The following CEP128 variants were observed in gnomAD, a reference collection of about 807,000 sequenced individuals.
The protein encoded by CEP128 is centrosomal protein 128kDa.
Under a neutral mutation model 156.7 loss-of-function variants are expected in CEP128, and 132 were observed. The ratio of observed to expected loss-of-function variants is 0.84; its 90% confidence interval spans 0.73 to 0.97. The LOEUF (loss-of-function observed/expected upper bound fraction) is 0.97. Among genes scored for constraint, CEP128 ranks in the 50% least tolerant of loss-of-function variants. The probability of loss-of-function intolerance (pLI) is 0.00; values close to 1 mark genes in which losing one functional copy is unlikely to be tolerated. For missense variants in CEP128, 1,252 were observed against 1,281.9 expected (o/e 0.98, Z 0.36); for synonymous variants, 469 against 448.9 (o/e 1.04, Z -0.57).
intron 21 of CEP128, among the ~76,000 whole-genome samples, chr14:80,546,826 C>T (rs1566771597): frequency 6.6e-6 from 1 of 152,152 alleles, no homozygotes; most frequent in Non-Finnish European, 1.5e-5. Flanking sequence ...TAACAATGGA[C>T]AGGCTATTTT....
intron 19 of CEP128, among the ~76,000 whole-genome samples, chr14:80,647,347 T>A (rs1894708425): frequency 6.6e-6 from 1 of 151,800 alleles, no homozygotes; most frequent in Admixed American, 6.6e-5. Flanking sequence ...CATTCTCTAA[T>A]CCCTCTCATC....
chr14:80,646,229 G>A (rs191451624), intron 19 of CEP128, among the ~76,000 whole-genome samples: 11 of 152,154 alleles, frequency 7.2e-5, no homozygotes, highest in Non-Finnish European at 1.0e-4. Context: ...TAGGTTTATC[G>A]ATTGTAACTA....
intron 21 of CEP128, among the ~76,000 whole-genome samples, chr14:80,537,525 G>C (rs1449280878): frequency 6.6e-6 from 1 of 152,050 alleles, no homozygotes; most frequent in Non-Finnish European, 1.5e-5. Flanking sequence ...TGTTCTCTGT[G>C]TGCTGAACAA....
intron 19 of CEP128, among the ~76,000 whole-genome samples, chr14:80,656,806 G>A (rs1391998655): frequency 6.6e-6 from 1 of 152,096 alleles, no homozygotes; most frequent in East Asian, 1.9e-4. Flanking sequence ...CACAGTTTTT[G>A]CTGGTTGTGG....
intron 4 of CEP128, among the ~76,000 whole-genome samples, chr14:80,910,428 T>G (rs1884140261): frequency 6.6e-6 from 1 of 152,132 alleles, no homozygotes; most frequent in Non-Finnish European, 1.5e-5. Flanking sequence ...TGGTACTGTA[T>G]AGTGAGTGAG....
At chr14:80,849,987 G>A (rs947653112) in intron 9 of CEP128, among the ~76,000 whole-genome samples, 8 of 151,940 alleles carry the variant, frequency 5.3e-5, no homozygotes, top group Non-Finnish European at 7.4e-5. Context: ...TATGATTCCC[G>A]CGAAAAAAAT....
intron 19 of CEP128, among the ~76,000 whole-genome samples, chr14:80,601,254 C>T (rs886973421): frequency 1.3e-5 from 2 of 152,070 alleles, no homozygotes; most frequent in Non-Finnish European, 2.9e-5. Flanking sequence ...ATAAGTCGTG[C>T]ATTGCTTAAT....
At chr14:80,725,774 A>C (rs1343280465) in intron 19 of CEP128, among the ~76,000 whole-genome samples, 1 of 152,240 alleles carries the variant, frequency 6.6e-6, no homozygotes, top group Non-Finnish European at 1.5e-5. Context: ...TCAAACTCTT[A>C]AATAACATTA....
chr14:80,822,891 C>CT (rs1040753456), intron 13 of CEP128: 27 of 588,410 alleles, frequency 4.6e-5, no homozygotes, highest in Non-Finnish European at 6.5e-5. Context: ...CATAATTTTA[C>CT]TTTTTTTTAA....
intron 19 of CEP128, among the ~76,000 whole-genome samples, chr14:80,672,560 C>T (rs1895887182): frequency 6.6e-6 from 1 of 152,012 alleles, no homozygotes; most frequent in East Asian, 1.9e-4. Flanking sequence ...AATTTTGACC[C>T]AAATATATCT....
chr14:80,905,948 T>A lies in CEP128; in HGVS notation c.361+7A>T, dbSNP rs1397042266. ...TTAATGTTTTTCAGAACATTTGAAG[T>A]GTTTACCTGACCCAGTGCCACCATC... On this transcript the variant is annotated splice_region_variant and intron_variant, in intron 5 of 24. Coordinates refer to ENST00000555265, the MANE Select transcript of CEP128 (RefSeq NM_152446.5). The A allele has an allele frequency of 1.9e-6, 3 of 1,610,270 alleles. No homozygotes were observed. The highest frequency in any genetic ancestry group is 2.5e-6 in the Non-Finnish European group (3 of 1,178,902).
At chr14:80,761,194 G>A (rs1595361383) in intron 17 of CEP128, among the ~76,000 whole-genome samples, 1 of 149,090 alleles carries the variant, frequency 6.7e-6, no homozygotes. Flanking sequence ...TCTCTTATAA[G>A]ATTTTTCTTT....
chr14:80,701,016 C>G (rs538440243), intron 19 of CEP128, among the ~76,000 whole-genome samples: 2 of 152,178 alleles, frequency 1.3e-5, no homozygotes, highest in Non-Finnish European at 2.9e-5. Context: ...ATTGATTTTC[C>G]CTTCTCTGTG....
At position 80,895,868 on chromosome 14, in the gene CEP128, T is replaced by C. The variant is rs559450326; in HGVS notation, c.573-78A>G. The stretch of plus-strand genomic sequence containing the variant: ...AGAACGAGTGAAATGTATAACATGA[T>C]AATTATGTTATTACAAAATATTCTA... On this transcript the variant is annotated intron_variant, in intron 7 of 24. Coordinates refer to ENST00000555265, the MANE Select transcript of CEP128 (RefSeq NM_152446.5). 53 of 982,858 alleles carry C rather than the reference T, an allele frequency of 5.4e-5. 1 individual carries two copies. In the African/African-American group the frequency reaches 7.8e-4, roughly 14 times the overall value. 60.9% of individuals were successfully genotyped at this position (982,858 alleles called of 1,614,324 possible). A position where few individuals can be genotyped will look rare whatever the true frequency, so the allele number is the denominator to read the frequency against.
chr14:80,772,296 A>G (rs1476431748), intron 16 of CEP128, among the ~76,000 whole-genome samples: 1 of 152,130 alleles, frequency 6.6e-6, no homozygotes. Flanking sequence ...GAAGAATGGC[A>G]GAATGGTGTG....
At chr14:80,498,559 T>C (rs1275022670) in intron 24 of CEP128, among the ~76,000 whole-genome samples, 1 of 152,146 alleles carries the variant, frequency 6.6e-6, no homozygotes, top group African/African-American at 2.4e-5. Flanking sequence ...TTTTTGCCCC[T>C]ACTATCAGGA....
chr14:80,880,869 AAT>A, intron 8 of CEP128, among the ~76,000 whole-genome samples: 1 of 29,914 alleles, frequency 3.3e-5, no homozygotes, highest in South Asian at 1.3e-3. Context: ...TCTCAAAAAT[AAT>A]AATAATAATA....
chr14:80,707,901 A>G (rs1222167773), intron 19 of CEP128, among the ~76,000 whole-genome samples: 1 of 152,192 alleles, frequency 6.6e-6, no homozygotes, highest in South Asian at 2.1e-4. Flanking sequence ...TCTGTTCAAC[A>G]TTAACTTTGT....
In CEP128 at chr14:80,836,320, T is replaced by G; in HGVS notation, c.942A>C (p.Thr314=). Residue 314 remains threonine (T), a synonymous_variant, in exon 12 of 25, where the codon ACA becomes ACC. Coordinates refer to ENST00000555265, the MANE Select transcript of CEP128 (RefSeq NM_152446.5). ...TLLHQVEELR[T]QLTKAEGDRK... ...GATCACCTTCTGCTTTCGTAAGTTG[T>G]GTACGCAGTTCTTCTACCTAACACA... is the stretch of plus-strand genomic sequence containing the variant. 8 of 1,614,066 alleles carry G rather than the reference T, an allele frequency of 5.0e-6. No individual in the cohort carries two copies. Among genetic ancestry groups the G allele is most frequent in the Non-Finnish European group, 6.8e-6 (8 of 1,179,972 alleles).
Sources: gnomAD v4.1 joint callset for allele counts (sites outside exome capture counted in the v4.1 genomes callset) on GRCh38, gnomAD v4.1.1 for gene constraint, MANE v1.5 for transcripts, NCBI Gene and HGNC (gene_info 2026-07-23, HGNC 2026-07-21) for gene names.